The following CUL4A variants were observed in gnomAD, a reference collection of about 807,000 sequenced individuals.
CUL4A encodes the protein cullin-4A.
A neutral mutation model predicts 95.5 loss-of-function variants in CUL4A; 16 were observed. That is an observed-to-expected ratio of 0.17 (90% CI 0.11 to 0.25). The LOEUF is 0.25. CUL4A is among the 10% of genes least tolerant of loss of function. CUL4A has a pLI of 1.00. For synonymous variants in CUL4A, 380 were observed against 353.1 expected (o/e 1.08, Z -0.85); for missense variants, 610 against 937.0 (o/e 0.65, Z 4.56).
intron 5 of CUL4A, 102 bp from the exon 6 acceptor site, chr13:113,233,075 T>C: frequency 3.2e-6 from 4 of 1,257,164 alleles, no homozygotes; most frequent in Non-Finnish European, 3.3e-6. Context: ...AATTAGCAAC[T>C]TCACATTTTT....
intron 2 of CUL4A, among the ~76,000 whole-genome samples, chr13:113,212,042 T>C (rs967472033): frequency 1.3e-5 from 2 of 152,232 alleles, no homozygotes; most frequent in African/African-American, 2.4e-5. Flanking sequence ...CATTGTAGTT[T>C]TAGTTTGCAT....
rs924771133 is a variant in CUL4A, at chr13:113,265,673, C to T, written c.*2091C>T. 3.9e-5 allele frequency: 6 copies of T among 152,376 alleles called. No homozygotes were observed. Among genetic ancestry groups the T allele is most frequent in the Admixed American group, 6.5e-5 (1 of 15,310 alleles). The allele number at this position is 152,376 out of a possible 1,614,324, so 9.4% of individuals were successfully genotyped here. On this transcript the variant is annotated 3_prime_UTR_variant, in exon 20 of 20. Transcript: ENST00000375440. ...AAGTGCTGGGATTACAGGCGTGAGCCACCATGCCCGGCCTGCCTGTTTCTG... is the reference window on the plus strand; with the variant it reads ...AAGTGCTGGGATTACAGGCGTGAGCTACCATGCCCGGCCTGCCTGTTTCTG...
intron 18 of CUL4A, among the ~76,000 whole-genome samples, chr13:113,259,900 T>C (rs1247270014): frequency 6.6e-6 from 1 of 152,072 alleles, no homozygotes; most frequent in Non-Finnish European, 1.5e-5. Flanking sequence ...GTCTGACCTT[T>C]CTTTGCATCA....
At chr13:113,216,053 G>T (rs1336865264) in intron 2 of CUL4A, among the ~76,000 whole-genome samples, 1 of 149,768 alleles carries the variant, frequency 6.7e-6, no homozygotes, top group Non-Finnish European at 1.5e-5. Flanking sequence ...TCTCGTCCAC[G>T]TGGCTGTGGA....
chr13:113,231,911 C>G (rs1366748910), intron 5 of CUL4A, among the ~76,000 whole-genome samples: 2 of 152,056 alleles, frequency 1.3e-5, no homozygotes, highest in Non-Finnish European at 2.9e-5. Context: ...GGGCCCTCTG[C>G]ACACCTGTGT....
intron 5 of CUL4A, among the ~76,000 whole-genome samples, chr13:113,232,592 C>T (rs540000632): frequency 1.3e-4 from 20 of 152,374 alleles, no homozygotes; most frequent in South Asian, 6.2e-4. Context: ...TGGACAGCCA[C>T]TGGCAGCTGA....
At chr13:113,223,968 C>A (rs958547784) in intron 3 of CUL4A, among the ~76,000 whole-genome samples, 1 of 152,212 alleles carries the variant, frequency 6.6e-6, no homozygotes, top group Non-Finnish European at 1.5e-5. Flanking sequence ...TACACATGCT[C>A]AGCCACAGGC....
chr13:113,245,408 A>AT (rs1175887590), intron 14 of CUL4A, among the ~76,000 whole-genome samples, 171 bp downstream of exon 14: 1 of 152,106 alleles, frequency 6.6e-6, no homozygotes, highest in Non-Finnish European at 1.5e-5. Context: ...CAAAAGAAAA[A>AT]TTTTTTTAAT....
chr13:113,253,248 T>C, intron 16 of CUL4A, 53 bp downstream of exon 16: 1 of 970,704 alleles, frequency 1.0e-6, no homozygotes, highest in Admixed American at 3.1e-5. Context: ...GTTAATATAA[T>C]TTTTTTATTG....
intron 2 of CUL4A, 44 bp from the exon 3 acceptor site, chr13:113,218,888 TTTATGAACCAATC>T: frequency 7.9e-7 from 1 of 1,270,130 alleles, no homozygotes; most frequent in African/African-American, 1.5e-5. Flanking sequence ...ATAGGGTTTT[TTTATGAACCAATC>T]TGTTGTTCAT....
intron 18 of CUL4A, among the ~76,000 whole-genome samples, chr13:113,259,404 C>T (rs1383727071): frequency 6.6e-6 from 1 of 152,214 alleles, no homozygotes; most frequent in Non-Finnish European, 1.5e-5. Context: ...AGACCTTCCC[C>T]CAGCCCTCAT....
intron 10 of CUL4A, among the ~76,000 whole-genome samples, chr13:113,241,586 C>T (rs1001651447): frequency 6.7e-6 from 1 of 148,362 alleles, no homozygotes; most frequent in African/African-American, 2.5e-5. Flanking sequence ...GTGATCTCAG[C>T]TCACTGCAAC....
At chr13:113,260,563 A>G (rs756964563) in intron 18 of CUL4A, 44 bp from the exon 19 acceptor site, 32 of 1,552,572 alleles carry the variant, frequency 2.1e-5, no homozygotes, top group Non-Finnish European at 2.7e-5. Flanking sequence ...AAATAAAAAG[A>G]AAATACAGTT....
At chr13:113,260,382 C>T (rs1318003161) in intron 18 of CUL4A, among the ~76,000 whole-genome samples, 1 of 151,158 alleles carries the variant, frequency 6.6e-6, no homozygotes, top group Non-Finnish European at 1.5e-5. Context: ...GAAACCCTGC[C>T]TGTACAAAAA....
At chr13:113,229,201 A>G (rs2041220208) in intron 4 of CUL4A, among the ~76,000 whole-genome samples, 2 of 152,226 alleles carry the variant, frequency 1.3e-5, no homozygotes, top group Admixed American at 1.3e-4. Flanking sequence ...AAAAAGAAAA[A>G]AAAGATACCA....
intron 9 of CUL4A, among the ~76,000 whole-genome samples, chr13:113,237,340 C>G (rs971210675): frequency 1.3e-5 from 2 of 152,226 alleles, no homozygotes; most frequent in Admixed American, 6.5e-5. Context: ...GAACTACCGA[C>G]TAGGTGGTCT....
chr13:113,235,809 C>A (rs1595390427), intron 8 of CUL4A, among the ~76,000 whole-genome samples: 1 of 151,738 alleles, frequency 6.6e-6, no homozygotes, highest in South Asian at 2.1e-4. Flanking sequence ...TCTCTACTAA[C>A]AATACAAAAA....
At chr13:113,208,604 G>A, upstream of CUL4A, 1 of 1,606,706 alleles carries the variant, frequency 6.2e-7, no homozygotes, top group African/African-American at 1.3e-5. Flanking sequence ...CCCACCTGCT[G>A]CAGGTACTGG....
At chr13:113,209,095 G>A (rs1263591174), upstream of CUL4A, among the ~76,000 whole-genome samples, 5 of 150,088 alleles carry the variant, frequency 3.3e-5, no homozygotes, top group African/African-American at 1.2e-4. Flanking sequence ...AGGTGCCTCC[G>A]CCGCGCGCTC....
Sources: gnomAD v4.1 joint callset for allele counts (sites outside exome capture counted in the v4.1 genomes callset) on GRCh38, gnomAD v4.1.1 for gene constraint, MANE v1.5 for transcripts, NCBI Gene and HGNC (gene_info 2026-07-23, HGNC 2026-07-21) for gene names.